THAP4: variants seen among roughly 807,000 people sequenced by gnomAD.
The protein encoded by THAP4 is THAP domain containing 4.
THAP4 carries 18 observed loss-of-function variants against 48.1 expected under a neutral mutation model. The ratio of observed to expected loss-of-function variants is 0.37; its 90% CI spans 0.26 to 0.56. The LOEUF is 0.56. Among genes scored for constraint, THAP4 ranks in the 20% least tolerant of loss-of-function variants. The probability of loss-of-function intolerance (pLI) is 0.78; values close to 1 mark genes in which losing one functional copy is unlikely to be tolerated. For synonymous variants in THAP4, 345 were observed against 324.9 expected (o/e 1.06, Z -0.66); for missense variants, 656 against 774.9 (o/e 0.85, Z 1.82).
intron 5 of THAP4, chr2:241,591,872 T>G (rs928787622): frequency 5.3e-5 from 8 of 152,226 alleles, no homozygotes; most frequent in African/African-American, 1.9e-4. Flanking sequence ...ATTGGCAAAC[T>G]GAACCACATA....
intron 2 of THAP4, among the ~76,000 whole-genome samples, chr2:241,609,999 G>A (rs1247232554): frequency 6.6e-6 from 1 of 151,680 alleles, no homozygotes; most frequent in African/African-American, 2.4e-5. Flanking sequence ...CAGAGTCCAG[G>A]TTCTGAGCTG....
chr2:241,622,430 C>T (rs1402258364), intron 2 of THAP4, among the ~76,000 whole-genome samples: 2 of 152,028 alleles, frequency 1.3e-5, no homozygotes, highest in African/African-American at 4.8e-5. Flanking sequence ...AATTCACTGG[C>T]AGTACCTCTT....
intron 5 of THAP4, among the ~76,000 whole-genome samples, chr2:241,585,539 A>C (rs539384314): frequency 1.3e-5 from 2 of 152,188 alleles, no homozygotes; most frequent in African/African-American, 4.8e-5. Context: ...AGAACCACCA[A>C]GTCAGCGAGG....
chr2:241,589,489 G>A (rs961378989), intron 5 of THAP4, among the ~76,000 whole-genome samples: 1 of 152,166 alleles, frequency 6.6e-6, no homozygotes, highest in Admixed American at 6.5e-5. Flanking sequence ...ACAAAAAGAT[G>A]AGCAGCATCG....
intron 2 of THAP4, among the ~76,000 whole-genome samples, chr2:241,627,659 C>T (rs574690249): frequency 1.3e-5 from 2 of 152,198 alleles, no homozygotes; most frequent in Non-Finnish European, 2.9e-5. Context: ...TAAAGAATGA[C>T]CCAAAGAGTC....
chr2:241,606,603 G>A, intron 2 of THAP4, 130 bp from the exon 3 acceptor site: 1 of 894,436 alleles, frequency 1.1e-6, no homozygotes, highest in South Asian at 2.2e-5. Flanking sequence ...GACCTGTCAA[G>A]AGCGGGAGAA....
intron 5 of THAP4, among the ~76,000 whole-genome samples, chr2:241,588,460 T>C (rs551889460): frequency 2.6e-5 from 4 of 152,304 alleles, no homozygotes; most frequent in Admixed American, 2.6e-4. Context: ...CAAAGGGTCC[T>C]AGGATAGCCA....
chr2:241,585,134 C>T, intron 5 of THAP4: 1 of 163,048 alleles, frequency 6.1e-6, no homozygotes. Context: ...CCCTTCTCCA[C>T]TGCCTCCCAC....
At chr2:241,602,660 C>G (rs1038026086) in intron 4 of THAP4, among the ~76,000 whole-genome samples, 3 of 152,164 alleles carry the variant, frequency 2.0e-5, no homozygotes, top group Non-Finnish European at 4.4e-5. Flanking sequence ...GCCACTGTGC[C>G]CAACCTGTTT....
At chr2:241,622,308 TG>T (rs1339509830) in intron 2 of THAP4, among the ~76,000 whole-genome samples, 2 of 152,076 alleles carry the variant, frequency 1.3e-5, no homozygotes, top group African/African-American at 4.8e-5. Flanking sequence ...GAGGTTGCAA[TG>T]AGCTGAGATG....
At chr2:241,619,889 G>C (rs1289233912) in intron 2 of THAP4, among the ~76,000 whole-genome samples, 1 of 109,552 alleles carries the variant, frequency 9.1e-6, no homozygotes, top group African/African-American at 3.6e-5. Flanking sequence ...GGTGAGTGAG[G>C]GGTGAGTCGT....
intron 2 of THAP4, among the ~76,000 whole-genome samples, chr2:241,624,001 C>T (rs147255458): frequency 6.6e-6 from 1 of 152,228 alleles, no homozygotes; most frequent in Non-Finnish European, 1.5e-5. Context: ...AGGGCTCAGT[C>T]CCACAAGACT....
At chr2:241,591,423 A>G (rs1050959774) in intron 5 of THAP4, among the ~76,000 whole-genome samples, 2 of 152,224 alleles carry the variant, frequency 1.3e-5, no homozygotes, top group Non-Finnish European at 2.9e-5. Context: ...CAAACTGCAC[A>G]CTTGAAGTGT....
At chr2:241,590,852 G>A (rs576361670) in intron 5 of THAP4, among the ~76,000 whole-genome samples, 1 of 147,426 alleles carries the variant, frequency 6.8e-6, no homozygotes, top group East Asian at 2.0e-4. Flanking sequence ...GACGATAATG[G>A]GCACTAGGAC....
At position 241,610,785 on chromosome 2, in the gene THAP4, A is replaced by G. The variant is rs2067261459; in HGVS notation, c.1241-4312T>C. Among the ~76,000 whole-genome samples the G allele has an allele frequency of 6.6e-6, 1 of 152,094 alleles. No individual in the cohort carries two copies. Among genetic ancestry groups the G allele is most frequent in the Non-Finnish European group, 1.5e-5 (1 of 68,020 alleles). ...GAGGCGCTCCTTAAATGGGGAAGAA[A>G]GACGGACAGAGCCAGGGACAGCGAG... On this transcript the variant is annotated intron_variant, in intron 2 of 5. Transcript: ENST00000407315. This position sits in a 1 kb window ranked among gnomAD's most constrained non-coding sequence, Gnocchi z 4.2.
intron 5 of THAP4, among the ~76,000 whole-genome samples, chr2:241,598,924 GA>G (rs34049233): frequency 0.34 from 49,506 of 146,030 alleles, 8,478 homozygotes; most frequent in South Asian, 0.46. Flanking sequence ...ACCTGCACTG[GA>G]AAAAAAAAAA....
At position 241,601,233 on chromosome 2, in the gene THAP4, C is replaced by T. The variant is rs561309806; in HGVS notation, c.1614+663G>A. Among the ~76,000 whole-genome samples, 9 of 151,850 alleles carry T rather than the reference C, an allele frequency of 5.9e-5. No individual in the cohort carries two copies. The highest frequency in any genetic ancestry group is 6.6e-5 in the Admixed American group (1 of 15,252). On this transcript the variant is annotated intron_variant, in intron 5 of 5. Coordinates refer to ENST00000407315, the MANE Select transcript of THAP4 (RefSeq NM_015963.6). This position sits in a 1 kb window ranked among gnomAD's most constrained non-coding sequence, Gnocchi z 4.0. Reference sequence around the variant, plus strand: ...GCGGTGGTTGCGATGAGCCGAGATCCCACCTTTGCATTCCAGCCTGGGCAA... The same window carrying T: ...GCGGTGGTTGCGATGAGCCGAGATCTCACCTTTGCATTCCAGCCTGGGCAA...
chr2:241,600,118 C>T (rs1575022281), intron 5 of THAP4, among the ~76,000 whole-genome samples: 1 of 152,152 alleles, frequency 6.6e-6, no homozygotes, highest in African/African-American at 2.4e-5. Context: ...ATCACCTGAA[C>T]CCGAGAGGTG....
Position 241,606,436 on chromosome 2 carries a change from G to C in THAP4, c.1278C>G (p.Ser426=). 1 of 1,608,806 alleles carries C rather than the reference G, an allele frequency of 6.2e-7. No individual in the cohort carries two copies. The highest frequency in any genetic ancestry group is 1.1e-5 in the South Asian group (1 of 89,870). Residue 426 remains serine (S), a synonymous_variant, in exon 3 of 6, where the codon TCC becomes TCG. Transcript: ENST00000407315. ...CCGACAGCCAGGTGCCCAGCATCCA[G>C]GACAGTGGCTCCACCACTGGGTTCA... is the stretch of plus-strand genomic sequence containing the variant. ...PKMNPVVEPL[S]WMLGTWLSDP... is the part of the protein sequence containing the mutation.
Sources: gnomAD v4.1 joint callset for allele counts (sites outside exome capture counted in the v4.1 genomes callset) on GRCh38, gnomAD v4.1.1 for gene constraint, Gnocchi (gnomAD v3.1) non-coding constraint, MANE v1.5 for transcripts, NCBI Gene and HGNC (gene_info 2026-07-23, HGNC 2026-07-21) for gene names.